The following DHX32 variants were observed in gnomAD, a reference collection of about 807,000 sequenced individuals.
DHX32 encodes the protein putative pre-mRNA-splicing factor ATP-dependent RNA helicase DHX32.
A neutral mutation model predicts 70.0 loss-of-function variants in DHX32; 51 were observed. That is an observed-to-expected ratio of 0.73 (90% CI 0.58 to 0.92). The LOEUF is 0.92. Ranked by LOEUF, DHX32 falls within the 40% of genes least tolerant of loss-of-function variation. DHX32 has a pLI of 0.00. For synonymous variants in DHX32, 310 were observed against 315.3 expected (o/e 0.98, Z 0.18); for missense variants, 762 against 891.8 (o/e 0.85, Z 1.85).
intron 4 of DHX32, 176 bp downstream of exon 4, chr10:125,853,785 A>T (rs1404980236): frequency 4.4e-6 from 3 of 677,264 alleles, no homozygotes; most frequent in Non-Finnish European, 4.7e-6. Flanking sequence ...ATGCTAATGG[A>T]ATCAAGACTT....
At chr10:125,879,662 T>C (rs75420816) in intron 1 of DHX32, among the ~76,000 whole-genome samples, 5,974 of 152,274 alleles carry the variant, frequency 0.039, 389 homozygotes, top group African/African-American at 0.13. Context: ...TTTTGTTTTT[T>C]TTCTGAGACA....
At chr10:125,844,439 G>A (rs761749778) in intron 6 of DHX32, among the ~76,000 whole-genome samples, 8 of 152,336 alleles carry the variant, frequency 5.3e-5, no homozygotes, top group African/African-American at 7.2e-5. Context: ...TGAGTTGGCC[G>A]CACACAGGGT....
intron 9 of DHX32, 36 bp from the exon 10 acceptor site, chr10:125,838,423 A>G: frequency 6.6e-7 from 1 of 1,516,238 alleles, no homozygotes; most frequent in Non-Finnish European, 8.8e-7. Context: ...AAGATTTTGT[A>G]TTAATATGGA....
intron 6 of DHX32, among the ~76,000 whole-genome samples, chr10:125,845,129 T>G (rs1482050646): frequency 1.3e-5 from 2 of 152,198 alleles, no homozygotes; most frequent in African/African-American, 4.8e-5. Context: ...ACAGGCCAAG[T>G]GGAGTCCAAG....
At chr10:125,856,849 T>C (rs10901456) in intron 3 of DHX32, among the ~76,000 whole-genome samples, 72,452 of 151,948 alleles carry the variant, frequency 0.48, 17,768 homozygotes, top group African/African-American at 0.57. Context: ...CCAGCTACTT[T>C]GAAGGCTGAA....
At chr10:125,845,415 A>G (rs1246898875) in intron 6 of DHX32, among the ~76,000 whole-genome samples, 1 of 152,242 alleles carries the variant, frequency 6.6e-6, no homozygotes, top group Non-Finnish European at 1.5e-5. Context: ...CAACATATTT[A>G]TATGTACTTT....
intron 1 of DHX32, among the ~76,000 whole-genome samples, chr10:125,870,561 G>A (rs1203432885): frequency 6.6e-6 from 1 of 152,178 alleles, no homozygotes; most frequent in African/African-American, 2.4e-5. Flanking sequence ...TAGGCTGGGT[G>A]CGGTGGCTCA....
At chr10:125,876,732 G>A (rs1944285819) in intron 1 of DHX32, among the ~76,000 whole-genome samples, 2 of 152,228 alleles carry the variant, frequency 1.3e-5, no homozygotes, top group Non-Finnish European at 2.9e-5. Context: ...AGGACAGGGA[G>A]AGACTGGGGA....
intron 3 of DHX32, among the ~76,000 whole-genome samples, chr10:125,859,037 G>GTT (rs1253027834): frequency 1.5e-5 from 2 of 135,242 alleles, no homozygotes; most frequent in East Asian, 2.2e-4. Flanking sequence ...TTTTTTGTTT[G>GTT]TTTGTTTGTT....
Position 125,839,181 on chromosome 10 carries a change from C to A in DHX32, c.1701G>T (p.Val567=), listed in dbSNP as rs760289487. 9 of 1,614,032 alleles carry A rather than the reference C, an allele frequency of 5.6e-6. No homozygotes were observed. The African/African-American group carries it at 1.2e-4, about 22-fold the overall frequency. The change falls in exon 9 of 11, where the codon GTG becomes GTT. Residue 567 remains valine (V), a synonymous_variant. Coordinates refer to ENST00000284690, the MANE Select transcript of DHX32 (RefSeq NM_018180.3). ...GGAAGTAATCACGACACCACTTTTCCACACAGTCTAGGAGGGAAAGAACAC... is the reference window on the plus strand; with the variant it reads ...GGAAGTAATCACGACACCACTTTTCAACACAGTCTAGGAGGGAAAGAACAC... ...TTLNSSSEYC[V]EKWCRDYFLN...
At chr10:125,870,738 G>A (rs1398107441) in intron 1 of DHX32, among the ~76,000 whole-genome samples, 1 of 152,140 alleles carries the variant, frequency 6.6e-6, no homozygotes, top group Admixed American at 6.5e-5. Context: ...TCGGGAGGCT[G>A]AGGCAGGAAA....
At chr10:125,847,896 T>G (rs910579214) in intron 6 of DHX32, among the ~76,000 whole-genome samples, 13 of 152,110 alleles carry the variant, frequency 8.5e-5, no homozygotes. Flanking sequence ...GCCACTGATC[T>G]GACAGGAGGT....
In DHX32 at chr10:125,859,729, G is replaced by T. The variant is rs1249993959; in HGVS notation, c.723C>A (p.His241Gln). 2 of 1,614,092 alleles carry T rather than the reference G, an allele frequency of 1.2e-6. No homozygotes were observed. The highest frequency in any genetic ancestry group is 1.3e-5 in the African/African-American group (1 of 75,034). Residue 241 changes from histidine to glutamine, a missense_variant, in exon 3 of 11, where the codon CAC becomes CAA. By Grantham distance (24) the His-to-Gln change is conservative. Transcript: ENST00000284690. ...CACTAAGGTACACAACCTCCACAGG[G>T]TGTTTATTTTTCACTTCTATGACAG... The part of the protein sequence containing the change: ...NVPVIEVKNK[H>Q]PVEVVYLSEA...
chr10:125,872,335 T>C (rs749977790), intron 1 of DHX32, among the ~76,000 whole-genome samples: 5 of 152,316 alleles, frequency 3.3e-5, no homozygotes, highest in Non-Finnish European at 5.9e-5. Flanking sequence ...AGTTGCCAAG[T>C]TGGCACTATG....
chr10:125,869,390 A>AC, intron 1 of DHX32: 1 of 152,348 alleles, frequency 6.6e-6, no homozygotes, highest in East Asian at 1.9e-4. Context: ...AGCCTGGTCA[A>AC]CATGGGGAAA....
chr10:125,889,319 A>G (rs939527943), intron 1 of DHX32, among the ~76,000 whole-genome samples: 2 of 152,226 alleles, frequency 1.3e-5, no homozygotes, highest in African/African-American at 4.8e-5. Flanking sequence ...TGATCAATAA[A>G]TATCTGCTGA....
Position 125,859,725 on chromosome 10 carries a change from C to T in DHX32, c.727G>A (p.Val243Met). The T allele has an allele frequency of 5.6e-6, 9 of 1,614,094 alleles. No homozygotes were observed. The highest frequency in any genetic ancestry group is 7.6e-6 in the Non-Finnish European group (9 of 1,180,016). The change falls in exon 3 of 11, where the codon GTG (valine) becomes ATG (methionine). Residue 243 changes from valine (V) to methionine (M), a missense_variant. Coordinates refer to ENST00000284690, the MANE Select transcript of DHX32 (RefSeq NM_018180.3). ...PVIEVKNKHPVEVVYLSEAQK... is the reference protein window; with the variant it reads ...PVIEVKNKHPMEVVYLSEAQK... The stretch of plus-strand genomic sequence containing the variant: ...GCCTCACTAAGGTACACAACCTCCA[C>T]AGGGTGTTTATTTTTCACTTCTATG...
rs2134073415 is a variant in DHX32 at position 125,880,532 on chromosome 10, TG to T, written c.282+10del. The T allele has an allele frequency of 6.4e-7, 1 of 1,563,520 alleles. No individual in the cohort carries two copies. The highest frequency in any genetic ancestry group is 2.0e-5 in the Admixed American group (1 of 51,092). On this transcript the variant is annotated intron_variant, in intron 1 of 10. Coordinates refer to ENST00000284690, the MANE Select transcript of DHX32 (RefSeq NM_018180.3). The stretch of plus-strand genomic sequence containing the variant: ...ACATACAGCAAATTATTTTTTGTAG[TG>T]GTTACTCACCTGAGCGCTCTTACCA...
At chr10:125,848,238 G>C (rs913774686) in intron 6 of DHX32, among the ~76,000 whole-genome samples, 1 of 152,194 alleles carries the variant, frequency 6.6e-6, no homozygotes, top group Non-Finnish European at 1.5e-5. Flanking sequence ...ATAGCATTAA[G>C]AGTTGGCTCT....
Sources: gnomAD v4.1 joint callset for allele counts (sites outside exome capture counted in the v4.1 genomes callset) on GRCh38, gnomAD v4.1.1 for gene constraint, MANE v1.5 for transcripts, NCBI Gene and HGNC (gene_info 2026-07-23, HGNC 2026-07-21) for gene names.